The following IQCJ variants were observed in gnomAD, a reference collection of about 807,000 sequenced individuals.
The protein encoded by IQCJ is IQ domain-containing protein J.
IQCJ carries 9 observed loss-of-function variants against 11.0 expected under a neutral mutation model. That is an observed-to-expected ratio of 0.82 (90% CI 0.49 to 1.43). The LOEUF is 1.43. Ranked by LOEUF, IQCJ falls within the 40% of genes most tolerant of loss-of-function variation. The probability of loss-of-function intolerance (pLI) is 0.00; values close to 1 mark genes in which losing one functional copy is unlikely to be tolerated. For synonymous variants in IQCJ, 55 were observed against 51.3 expected (o/e 1.07, Z -0.31); for missense variants, 146 against 133.2 (o/e 1.10, Z -0.47).
chr3:159,181,939 A>AGGTGTCTCTCTTTATCT (rs1553785311), intron 1 of IQCJ, among the ~76,000 whole-genome samples: 2 of 143,122 alleles, frequency 1.4e-5, no homozygotes, highest in African/African-American at 6.1e-5. Flanking sequence ...CCCCTCTTAA[A>AGGTGTCTCTCTTTATCT]TTCCTTTAAA....
intron 1 of IQCJ, among the ~76,000 whole-genome samples, chr3:159,142,868 A>G (rs61263304): frequency 3.3e-5 from 5 of 152,202 alleles, no homozygotes; most frequent in South Asian, 2.1e-4. Flanking sequence ...TAAGTGTTAG[A>G]AAAACAGCCT....
At chr3:159,101,278 T>A (rs111393246) in intron 1 of IQCJ, among the ~76,000 whole-genome samples, 2,372 of 150,696 alleles carry the variant, frequency 0.016, 67 homozygotes, top group African/African-American at 0.055. Flanking sequence ...TGGCACTCCC[T>A]AGTGAGATGA....
chr3:159,217,774 C>G (rs974788618), intron 1 of IQCJ, among the ~76,000 whole-genome samples: 2 of 152,064 alleles, frequency 1.3e-5, no homozygotes, highest in Non-Finnish European at 2.9e-5. Flanking sequence ...CTGGGTCTTC[C>G]CTGCAATATT....
chr3:159,265,161 G>A (rs1728428346), downstream of IQCJ: 9 of 1,463,958 alleles, frequency 6.1e-6, no homozygotes, highest in South Asian at 1.0e-4. Flanking sequence ...AACTTTATAT[G>A]TAGTTGTTTG....
At chr3:159,089,682 G>A (rs1035910790) in intron 1 of IQCJ, among the ~76,000 whole-genome samples, 1 of 151,400 alleles carries the variant, frequency 6.6e-6, no homozygotes, top group Non-Finnish European at 1.5e-5. Flanking sequence ...ATCTTCCATT[G>A]CTGATACCCT....
intron 1 of IQCJ, among the ~76,000 whole-genome samples, chr3:159,146,648 C>G (rs1178405889): frequency 6.6e-6 from 1 of 152,102 alleles, no homozygotes; most frequent in Non-Finnish European, 1.5e-5. Flanking sequence ...TCCCATCTGT[C>G]AGGGCAAAAC....
chr3:159,229,435 C>T (rs956285505), intron 1 of IQCJ, among the ~76,000 whole-genome samples: 3 of 152,124 alleles, frequency 2.0e-5, no homozygotes, highest in Middle Eastern at 3.4e-3. Flanking sequence ...CAACTCCTTT[C>T]CTTCGCTCTG....
chr3:159,104,958 C>T (rs114599197), intron 1 of IQCJ, among the ~76,000 whole-genome samples: 2 of 152,294 alleles, frequency 1.3e-5, no homozygotes, highest in African/African-American at 2.4e-5. Context: ...TGCCTTCCTC[C>T]GGGTTGAATG....
chr3:159,119,165 T>A (rs1025655657), intron 1 of IQCJ, among the ~76,000 whole-genome samples: 1 of 152,226 alleles, frequency 6.6e-6, no homozygotes, highest in African/African-American at 2.4e-5. Context: ...TGGCAGAGGA[T>A]TGGCTATCCT....
intron 1 of IQCJ, chr3:159,069,693 T>C: frequency 1.7e-6 from 1 of 591,696 alleles, no homozygotes; most frequent in South Asian, 1.9e-5. Flanking sequence ...TAAAGGAATC[T>C]CATTGAAAGC....
chr3:159,259,850 T>C (rs1342368039), intron 3 of IQCJ, among the ~76,000 whole-genome samples: 1 of 152,168 alleles, frequency 6.6e-6, no homozygotes, highest in East Asian at 1.9e-4. Flanking sequence ...ACTGTAATTA[T>C]GAAGGACAAG....
intron 1 of IQCJ, among the ~76,000 whole-genome samples, chr3:159,152,579 G>C (rs892129204): frequency 6.6e-6 from 1 of 152,150 alleles, no homozygotes; most frequent in African/African-American, 2.4e-5. Context: ...TTTGTCACCT[G>C]GAACAAGTGG....
intron 1 of IQCJ, among the ~76,000 whole-genome samples, chr3:159,149,285 C>T (rs535625225): frequency 7.9e-5 from 12 of 152,228 alleles, no homozygotes; most frequent in Middle Eastern, 6.8e-3. Context: ...ATAAAAGGAA[C>T]GGCAGACTCC....
intron 2 of IQCJ, among the ~76,000 whole-genome samples, chr3:159,247,522 G>T (rs550971993): frequency 3.9e-5 from 6 of 152,274 alleles, no homozygotes; most frequent in Non-Finnish European, 7.4e-5. Flanking sequence ...AAAAAGGAAG[G>T]ATCTACTGTA....
At chr3:159,160,382 A>C (rs1721769090) in intron 1 of IQCJ, among the ~76,000 whole-genome samples, 1 of 149,982 alleles carries the variant, frequency 6.7e-6, no homozygotes, top group Non-Finnish European at 1.5e-5. Flanking sequence ...GGCTCACTGC[A>C]ACCTCTGCCT....
At chr3:159,148,453 T>C (rs1721031257) in intron 1 of IQCJ, among the ~76,000 whole-genome samples, 1 of 152,228 alleles carries the variant, frequency 6.6e-6, no homozygotes, top group Non-Finnish European at 1.5e-5. Flanking sequence ...CAGTTCTCAA[T>C]ATGTTTATTT....
At chr3:159,071,002 C>A (rs1190129582) in intron 1 of IQCJ, among the ~76,000 whole-genome samples, 1 of 151,916 alleles carries the variant, frequency 6.6e-6, no homozygotes, top group Non-Finnish European at 1.5e-5. Flanking sequence ...TTGTAAACTT[C>A]AGTAAAATAG....
intron 1 of IQCJ, among the ~76,000 whole-genome samples, chr3:159,121,956 C>T (rs928710636): frequency 1.8e-4 from 27 of 152,118 alleles, no homozygotes; most frequent in African/African-American, 6.0e-4. Flanking sequence ...TCAGTTCAGG[C>T]TGCTATCACA....
chr3:159,158,228 C>T (rs917269254), intron 1 of IQCJ, among the ~76,000 whole-genome samples: 16 of 152,154 alleles, frequency 1.1e-4, no homozygotes. Flanking sequence ...TGTTCCCTTA[C>T]AAGCAGCAGT....
Sources: allele counts gnomAD v4.1 joint callset (sites outside exome capture counted in the v4.1 genomes callset), GRCh38; gene constraint gnomAD v4.1.1; transcripts MANE v1.5; gene names NCBI Gene and HGNC (gene_info 2026-07-23, HGNC 2026-07-21).